The following CHST11 variants were observed in gnomAD, a reference collection of about 807,000 sequenced individuals.
CHST11 encodes C4S-1.
In CHST11, 9 loss-of-function variants were observed where a neutral mutation model predicts 30.4. The ratio of observed to expected loss-of-function variants is 0.30; its 90% confidence interval spans 0.18 to 0.52. CHST11 has a LOEUF of 0.52. Ranked by LOEUF, CHST11 falls within the 20% of genes least tolerant of loss-of-function variation. CHST11 has a pLI of 0.97. For missense variants in CHST11, 348 were observed against 460.6 expected, an observed-to-expected ratio of 0.76 and a Z score of 2.24; for synonymous variants, 152 against 187.8, an observed-to-expected ratio of 0.81 and a Z score of 1.56.
intron 2 of CHST11, among the ~76,000 whole-genome samples, chr12:104,721,126 C>T (rs990180527): frequency 6.6e-6 from 1 of 152,210 alleles, no homozygotes; most frequent in Non-Finnish European, 1.5e-5. Context: ...GAATTTAATG[C>T]AAGAGCAAAC....
intron 2 of CHST11, among the ~76,000 whole-genome samples, chr12:104,642,152 G>A (rs1194762801): frequency 2.0e-5 from 3 of 152,096 alleles, no homozygotes; most frequent in Non-Finnish European, 4.4e-5. Context: ...TCTCAGTATT[G>A]TTCACAGTAG....
At position 104,729,605 on chromosome 12, in the gene CHST11, T is replaced by G. The variant is rs1042886280; in HGVS notation, c.205-27344T>G. On this transcript the variant is annotated intron_variant, in intron 2 of 2. Transcript: ENST00000303694. This position sits in a 1 kb window ranked among gnomAD's most constrained non-coding sequence, Gnocchi z 4.0. ...AACATGGAAGGATGGCTGTCATAGG[T>G]GCCATGAGTGACAGAAGCAGCGTAA... Among the ~76,000 whole-genome samples, 33 of 152,050 alleles carry G rather than the reference T, an allele frequency of 2.2e-4. No individual in the cohort carries two copies. Among genetic ancestry groups the G allele is most frequent in the Non-Finnish European group, 3.5e-4 (24 of 68,012 alleles).
At chr12:104,660,903 A>C (rs971049866) in intron 2 of CHST11, among the ~76,000 whole-genome samples, 1 of 152,116 alleles carries the variant, frequency 6.6e-6, no homozygotes, top group Non-Finnish European at 1.5e-5. Context: ...TAAACTACTT[A>C]CATTTGGGGT....
chr12:104,641,624 G>A (rs2136075011), intron 2 of CHST11, among the ~76,000 whole-genome samples: 1 of 152,282 alleles, frequency 6.6e-6, no homozygotes, highest in Admixed American at 6.5e-5. Flanking sequence ...TAAGGTATGA[G>A]TGTATGTATA....
chr12:104,653,643 T>C (rs753818248), intron 2 of CHST11, among the ~76,000 whole-genome samples: 38 of 152,338 alleles, frequency 2.5e-4, no homozygotes, highest in Non-Finnish European at 4.4e-4. Context: ...GCCCTTACCA[T>C]GTGCCTGACA....
chr12:104,548,775 C>T (rs1301510141), intron 1 of CHST11, among the ~76,000 whole-genome samples: 1 of 152,152 alleles, frequency 6.6e-6, no homozygotes, highest in Non-Finnish European at 1.5e-5. Flanking sequence ...CCCTTGCCTC[C>T]CTGAACGCAG....
At position 104,729,031 on chromosome 12, in the gene CHST11, C is replaced by G. The variant is rs1326680514; in HGVS notation, c.205-27918C>G. 6.6e-6 allele frequency among the ~76,000 whole-genome samples: 1 copy of G among 152,160 alleles called. No individual in the cohort carries two copies. Among genetic ancestry groups the G allele is most frequent in the Non-Finnish European group, 1.5e-5 (1 of 68,036 alleles). ...ACATCAAAACAGGGATAATAATTAC[C>G]TCTGGTTAATGGGAATTTAGGGGAA... is the stretch of plus-strand genomic sequence containing the variant. On this transcript the variant is annotated intron_variant, in intron 2 of 2. Coordinates refer to ENST00000303694, the MANE Select transcript of CHST11 (RefSeq NM_018413.6). This position sits in a 1 kb window ranked among gnomAD's most constrained non-coding sequence, Gnocchi z 4.0.
In CHST11 at chr12:104,715,336, G is replaced by A. The variant is rs371451591; in HGVS notation, c.205-41613G>A. Among the ~76,000 whole-genome samples the A allele has an allele frequency of 6.6e-5, 10 of 152,144 alleles. No homozygotes were observed. The East Asian group carries it at 9.7e-4, about 15-fold the overall frequency. On this transcript the variant is annotated intron_variant, in intron 2 of 2. Transcript: ENST00000303694. ...CTGCAGTGAGCCGAGATCATGCCAC[G>A]GCACTCCAGCCTGGGTGACAGAGTG...
intron 1 of CHST11, among the ~76,000 whole-genome samples, chr12:104,464,271 T>C (rs959902217): frequency 6.6e-6 from 1 of 152,054 alleles, no homozygotes; most frequent in Admixed American, 6.6e-5. Context: ...TTTTGCCATG[T>C]TGGCCAAGCT....
rs142062253 is a variant in CHST11 at position 104,720,521 on chromosome 12, AGGGTCTCCCG to A, written c.205-36418_205-36409del. 6.4e-3 allele frequency among the ~76,000 whole-genome samples: 978 copies of A among 152,278 alleles called. 16 individuals are homozygous for A. The highest frequency in any genetic ancestry group is 0.022 in the African/African-American group (898 of 41,550). ...AGCTACACTCATGTCATGCGCTGGG[AGGGTCTCCCG>A]GGGTCTCCCCAGGACCACGGCCACC... On this transcript the variant is annotated intron_variant, in intron 2 of 2. Transcript: ENST00000303694.
Position 104,644,018 on chromosome 12 carries a change from C to G in CHST11, c.204+42027C>G, listed in dbSNP as rs73388133. Among the ~76,000 whole-genome samples the G allele has an allele frequency of 6.2e-3, 952 of 152,332 alleles. 11 individuals carry two copies. Among genetic ancestry groups the G allele is most frequent in the African/African-American group, 0.022 (906 of 41,576 alleles). ...TCTTAGGTCTCTCTGCCTTTGCTAT[C>G]TGCTAGTGGAGACTGCTTTTCTTGG... On this transcript the variant is annotated intron_variant, in intron 2 of 2. Transcript: ENST00000303694.
intron 2 of CHST11, among the ~76,000 whole-genome samples, chr12:104,621,268 A>G (rs923070349): frequency 4.6e-5 from 7 of 152,190 alleles, no homozygotes; most frequent in Non-Finnish European, 1.5e-5. Context: ...TCAAAGATGA[A>G]CATGTGTGGC....
intron 2 of CHST11, among the ~76,000 whole-genome samples, chr12:104,642,114 G>C (rs1467366947): frequency 6.6e-6 from 1 of 152,294 alleles, no homozygotes; most frequent in Non-Finnish European, 1.5e-5. Context: ...AAGCCCAAAT[G>C]AGGAACTGGG....
chr12:104,519,071 G>GGTGTGTGTGTGTGTGTGTGTGTGTGT (rs10628757), intron 1 of CHST11, among the ~76,000 whole-genome samples: 10 of 139,638 alleles, frequency 7.2e-5, no homozygotes, highest in African/African-American at 2.2e-4. Context: ...GGACTCTTGA[G>GGTGTGTGTGTGTGTGTGTGTGTGTGT]GTGTGTGTGT....
intron 1 of CHST11, among the ~76,000 whole-genome samples, chr12:104,529,989 C>T (rs955083353): frequency 3.3e-5 from 5 of 152,126 alleles, no homozygotes; most frequent in Admixed American, 6.5e-5. Context: ...GAAACCTCAT[C>T]TCTACTAAAA....
chr12:104,574,857 TTAAAAAAAA>T (rs2136026928), intron 1 of CHST11, among the ~76,000 whole-genome samples: 1 of 116,772 alleles, frequency 8.6e-6, no homozygotes, highest in East Asian at 2.5e-4. Context: ...TAAAGTATAA[TTAAAAAAAA>T]AGAAAAAAAG....
chr12:104,619,717 C>G (rs745497233), intron 2 of CHST11, among the ~76,000 whole-genome samples: 7 of 152,158 alleles, frequency 4.6e-5, no homozygotes, highest in Admixed American at 2.0e-4. Context: ...GCTGTTTACA[C>G]CGATCCATAG....
chr12:104,596,074 A>C (rs760098291), intron 1 of CHST11, among the ~76,000 whole-genome samples: 14 of 152,182 alleles, frequency 9.2e-5, no homozygotes, highest in Non-Finnish European at 1.9e-4. Flanking sequence ...TTGAGGGCTG[A>C]CTTTGGGTCC....
At chr12:104,659,791 C>A (rs1290327027) in intron 2 of CHST11, among the ~76,000 whole-genome samples, 1 of 74,842 alleles carries the variant, frequency 1.3e-5, no homozygotes, top group Non-Finnish European at 3.0e-5. Context: ...CATAGTGAGA[C>A]CCCCCCCCGC....
Sources: gnomAD v4.1 joint callset for allele counts (sites outside exome capture counted in the v4.1 genomes callset) on GRCh38, gnomAD v4.1.1 for gene constraint, Gnocchi (gnomAD v3.1) non-coding constraint, MANE v1.5 for transcripts, NCBI Gene and HGNC (gene_info 2026-07-23, HGNC 2026-07-21) for gene names.